Variants in COL5A3 observed in about 807,000 individuals in gnomAD.
COL5A3 encodes collagen alpha-3(V) chain.
A neutral mutation model predicts 250.0 loss-of-function variants in COL5A3; 172 were observed. That is an observed-to-expected ratio of 0.69 (90% CI 0.61 to 0.78). The LOEUF (loss-of-function observed/expected upper bound fraction) is 0.78, where lower values mean the gene tolerates loss of function less well. COL5A3 is among the 30% of genes least tolerant of loss of function. The pLI, the probability that COL5A3 is intolerant of heterozygous loss-of-function variation, is 0.00. For synonymous variants in COL5A3, 937 were observed against 900.4 expected (o/e 1.04, Z -0.73); for missense variants, 2,340 against 2,334.4 (o/e 1.00, Z -0.05).
chr19:9,997,175 A>C, intron 11 of COL5A3, 196 bp downstream of exon 11: 1 of 611,814 alleles, frequency 1.6e-6, no homozygotes, highest in East Asian at 2.8e-5. Flanking sequence ...AAGAAAAGCA[A>C]AGAGTAGGCC....
chr19:10,008,183 A>T (rs1000679088), intron 1 of COL5A3, among the ~76,000 whole-genome samples: 10 of 151,942 alleles, frequency 6.6e-5, no homozygotes, highest in African/African-American at 2.4e-4. Flanking sequence ...CAGGATTGAG[A>T]CCGACGACCT....
intron 27 of COL5A3, among the ~76,000 whole-genome samples, chr19:9,987,484 C>A (rs1027847811): frequency 2.0e-5 from 3 of 152,126 alleles, no homozygotes; most frequent in African/African-American, 7.2e-5. Flanking sequence ...CACCTGTAAT[C>A]CCAACATTTT....
At chr19:9,999,944 G>C (rs1219596626) in intron 8 of COL5A3, among the ~76,000 whole-genome samples, 1 of 152,018 alleles carries the variant, frequency 6.6e-6, no homozygotes, top group African/African-American at 2.4e-5. Context: ...ATTTTGTAAA[G>C]ATAGGGTCTC....
At chr19:9,972,079 A>C (rs775564085) in intron 51 of COL5A3, among the ~76,000 whole-genome samples, 3 of 152,166 alleles carry the variant, frequency 2.0e-5, no homozygotes, top group Non-Finnish European at 4.4e-5. Flanking sequence ...CCATTCACTC[A>C]TTCACTCACT....
intron 30 of COL5A3, 87 bp from the exon 31 acceptor site, chr19:9,985,982 G>T: frequency 5.2e-6 from 6 of 1,157,656 alleles, no homozygotes; most frequent in Non-Finnish European, 7.8e-6. Flanking sequence ...CATGGTGAAT[G>T]GGCTAATGGG....
At position 9,982,084 on chromosome 19, in the gene COL5A3, A is replaced by G. The variant is rs148257942; in HGVS notation, c.2441T>C (p.Ile814Thr). Residue 814 changes from isoleucine (I) to threonine (T), a missense_variant, in exon 32 of 67, where the codon ATA becomes ACA. By Grantham distance (89) the Ile-to-Thr change is moderately conservative. This residue lies in a region of COL5A3 where 1,152 missense variants were observed against 1,146.3 expected (regional missense o/e 1.00). Coordinates refer to ENST00000264828, the MANE Select transcript of COL5A3 (RefSeq NM_015719.4). ...ACTCACCGACTTCCCTTTCTCTCCT[A>G]TGGGTCCCAGGGGACCGGGAAATCC... ...SIGFPGPLGP[I>T]GEKGKSGKTG... 700 of 1,609,566 alleles carry G rather than the reference A, an allele frequency of 4.3e-4. No homozygotes were observed. The highest frequency in any genetic ancestry group is 8.7e-4 in the African/African-American group (65 of 74,832).
rs2052159786 is a variant in COL5A3, at chr19:10,009,490, G to A, written c.88+808C>T. The stretch of plus-strand genomic sequence containing the variant: ...ACCCAAGGCTCCAGCAGCTGGGGTG[G>A]GGAGGGGGGGAGCAACTTCCACTCC... On this transcript the variant is annotated intron_variant, in intron 1 of 66. Coordinates refer to ENST00000264828, the MANE Select transcript of COL5A3 (RefSeq NM_015719.4). This position sits in a 1 kb window ranked among gnomAD's most constrained non-coding sequence, Gnocchi z 4.4. Among the ~76,000 whole-genome samples, 1 of 151,934 alleles carries A rather than the reference G, an allele frequency of 6.6e-6. No individual in the cohort carries two copies. The highest frequency in any genetic ancestry group is 1.5e-5 in the Non-Finnish European group (1 of 67,960).
rs4044577 is a variant in COL5A3 at position 10,009,161 on chromosome 19, G to GGT, written c.88+1135_88+1136dup. 0.063 allele frequency among the ~76,000 whole-genome samples: 8,897 copies of GGT among 140,238 alleles called. 278 individuals carry two copies. The highest frequency in any genetic ancestry group is 0.11 in the East Asian group (525 of 4,726). The allele number at this position is 140,238 out of a possible 152,430, so 92.0% of individuals were successfully genotyped here. ...GACTCCAAAGTAAGAAGTGTGCTGT[G>GGT]GTGTGTGTGTGTGTGTGTGTGTGTG... is the stretch of plus-strand genomic sequence containing the variant. On this transcript the variant is annotated intron_variant, in intron 1 of 66. Coordinates refer to ENST00000264828, the MANE Select transcript of COL5A3 (RefSeq NM_015719.4). This position sits in a 1 kb window ranked among gnomAD's most constrained non-coding sequence, Gnocchi z 4.4.
In COL5A3 at chr19:10,001,657, G is replaced by A. The variant is rs1049925440; in HGVS notation, c.977C>T (p.Pro326Leu). ...GGTCCCCAGCTCGGTTCCACTGTCA[G>A]GGTCCAAGCTCCTCTGAGAACGTTA... is the stretch of plus-strand genomic sequence containing the variant. The part of the protein sequence containing the change: ...NATILERSLD[P>L]DSGTELGTLE... Residue 326 changes from proline (P) to leucine (L), a missense_variant, in exon 8 of 67, where the codon CCT becomes CTT. Physicochemically the swap from Pro to Leu is moderately conservative, Grantham distance 98 (BLOSUM62 -3). Around this residue, in one of 3 missense-constraint regions of COL5A3, gnomAD observed 1,152 missense variants for 1,146.3 expected, o/e 1.00. Coordinates refer to ENST00000264828, the MANE Select transcript of COL5A3 (RefSeq NM_015719.4). 1.2e-6 allele frequency: 2 copies of A among 1,613,966 alleles called. No individual in the cohort carries two copies. The highest frequency in any genetic ancestry group is 2.2e-5 in the South Asian group (2 of 91,068).
At chr19:9,995,999 A>T in intron 15 of COL5A3, 67 bp downstream of exon 15, 1 of 1,404,514 alleles carries the variant, frequency 7.1e-7, no homozygotes, top group Non-Finnish European at 9.6e-7. Flanking sequence ...CCCATCCAGC[A>T]CTGTATCTTG....
intron 38 of COL5A3, 30 bp from the exon 39 acceptor site, chr19:9,979,269 G>A (rs749961063): frequency 1.9e-6 from 3 of 1,601,864 alleles, no homozygotes; most frequent in African/African-American, 2.7e-5. Context: ...CTGTTGAGTG[G>A]GGGTGGCCTA....
chr19:9,976,425 G>T (rs890963881), intron 45 of COL5A3, 133 bp downstream of exon 45: 7 of 605,618 alleles, frequency 1.2e-5, no homozygotes, highest in African/African-American at 7.8e-5. Flanking sequence ...GTTCACATTG[G>T]GTGTCAGTAC....
intron 65 of COL5A3, among the ~76,000 whole-genome samples, chr19:9,962,185 C>T (rs1174410469): frequency 6.6e-6 from 1 of 151,906 alleles, no homozygotes; most frequent in Non-Finnish European, 1.5e-5. Context: ...TGGCTCACTG[C>T]AACCTCTTCC....
Position 9,966,827 on chromosome 19 carries a change from G to A in COL5A3, c.4459-81C>T. The A allele has an allele frequency of 2.7e-6, 3 of 1,093,964 alleles. No individual in the cohort carries two copies. The South Asian group carries it at 4.5e-5, about 16-fold the overall frequency. 67.8% of individuals were successfully genotyped at this position (1,093,964 alleles called of 1,614,324 possible). A position where few individuals can be genotyped will look rare whatever the true frequency, so the allele number is the denominator to read the frequency against. ...GGGAGAAAGAGAGACAGGCAGAGAT[G>A]AAGAGGCAGACAGACACAAATGAGA... is the stretch of plus-strand genomic sequence containing the variant. On this transcript the variant is annotated intron_variant, in intron 62 of 66. Coordinates refer to ENST00000264828, the MANE Select transcript of COL5A3 (RefSeq NM_015719.4).
At chr19:9,965,171 T>TTC (rs1477878024) in intron 64 of COL5A3, among the ~76,000 whole-genome samples, 23 of 147,572 alleles carry the variant, frequency 1.6e-4, no homozygotes, top group Non-Finnish European at 3.1e-4. Flanking sequence ...TTTTTTTTTT[T>TTC]TGAGATGGAG....
chr19:9,966,489 C>CCA (rs1296857970), intron 63 of COL5A3, 47 bp downstream of exon 63: 1 of 1,557,358 alleles, frequency 6.4e-7, no homozygotes, highest in African/African-American at 1.4e-5. Context: ...CAACCCCCCC[C>CCA]ACACCCCCAC....
At chr19:9,986,448 T>A in intron 29 of COL5A3, 26 bp from the exon 30 acceptor site, 1 of 1,611,178 alleles carries the variant, frequency 6.2e-7, no homozygotes, top group Non-Finnish European at 8.5e-7. Flanking sequence ...GAGTATTTAA[T>A]ATCCATCTTT....
In COL5A3 at chr19:9,967,912, C is replaced by T; in HGVS notation, c.4396G>A (p.Gly1466Arg). ...AAGCAGGGTGTACTCACCGGAGACC[C>T]TTTTGAGCCTTTCTGTCCTAGAGGG... ...AGPLGQKGSK[G>R]SPGSMGPRGD... Residue 1466 changes from glycine (G) to arginine (R), a missense_variant, in exon 61 of 67, where the codon GGG becomes AGG. Physicochemically the swap from Gly to Arg is moderately radical, Grantham distance 125. Transcript: ENST00000264828. 1 of 1,613,316 alleles carries T rather than the reference C, an allele frequency of 6.2e-7. No individual in the cohort carries two copies. The highest frequency in any genetic ancestry group is 8.5e-7 in the Non-Finnish European group (1 of 1,179,738).
At position 9,981,068 on chromosome 19, in the gene COL5A3, G is replaced by A; in HGVS notation, c.2505+20C>T. ...GTCCCCAAGTCCCAGCAGGGTAGGG[G>A]GCACTGTCTATTTTCTTACTGGTGG... On this transcript the variant is annotated intron_variant, in intron 33 of 66. Coordinates refer to ENST00000264828, the MANE Select transcript of COL5A3 (RefSeq NM_015719.4). 6.2e-7 allele frequency: 1 copy of A among 1,612,680 alleles called. No individual in the cohort carries two copies. The highest frequency in any genetic ancestry group is 8.5e-7 in the Non-Finnish European group (1 of 1,178,790).
Sources: gnomAD v4.1 joint callset for allele counts (sites outside exome capture counted in the v4.1 genomes callset) on GRCh38, gnomAD v4.1.1 for gene constraint, gnomAD v4.1.1 regional missense constraint, Gnocchi (gnomAD v3.1) non-coding constraint, MANE v1.5 for transcripts, NCBI Gene and HGNC (gene_info 2026-07-23, HGNC 2026-07-21) for gene names.